Variants in ABCA3 observed in about 807,000 individuals in gnomAD.
ABCA3 encodes phospholipid-transporting ATPase ABCA3.
Under a neutral mutation model 172.8 loss-of-function variants are expected in ABCA3, and 88 were observed. That is an observed-to-expected ratio of 0.51 (90% CI 0.43 to 0.61). The LOEUF (loss-of-function observed/expected upper bound fraction) is 0.61. Among genes scored for constraint, ABCA3 ranks in the 20% least tolerant of loss-of-function variants. The pLI is 0.00. For synonymous variants in ABCA3, 1,066 were observed against 983.8 expected, an observed-to-expected ratio of 1.08 and a Z score of -1.56; for missense variants, 2,164 against 2,301.0, an observed-to-expected ratio of 0.94 and a Z score of 1.22.
intron 18 of ABCA3, among the ~76,000 whole-genome samples, chr16:2,292,785 AAAC>A (rs1043645363): frequency 8.6e-5 from 13 of 151,660 alleles, no homozygotes; most frequent in African/African-American, 2.7e-4. Context: ...ACAAAACAAC[AAAC>A]AACAACAACA....
At chr16:2,313,919 G>A (rs987953375) in intron 10 of ABCA3, among the ~76,000 whole-genome samples, 8 of 151,422 alleles carry the variant, frequency 5.3e-5, no homozygotes, top group Non-Finnish European at 2.9e-5. Flanking sequence ...ATTAACAGAC[G>A]TGAAAGACTG....
At chr16:2,307,627 T>G (rs1415351498) in intron 11 of ABCA3, among the ~76,000 whole-genome samples, 2 of 152,112 alleles carry the variant, frequency 1.3e-5, no homozygotes, top group East Asian at 3.9e-4. Flanking sequence ...TTTTATTTTT[T>G]TGAGACGGAG....
intron 7 of ABCA3, among the ~76,000 whole-genome samples, chr16:2,322,604 T>C (rs896678451): frequency 5.5e-5 from 8 of 144,148 alleles, no homozygotes; most frequent in African/African-American, 2.1e-4. Context: ...TAGCCATATG[T>C]AGAAAGCTGA....
At chr16:2,292,663 T>C (rs529993258) in intron 18 of ABCA3, among the ~76,000 whole-genome samples, 54 of 152,214 alleles carry the variant, frequency 3.5e-4, no homozygotes, top group African/African-American at 1.1e-3. Context: ...CTCACACCTG[T>C]AATCCTAGCA....
intron 1 of ABCA3, 26 bp from the exon 2 acceptor site, chr16:2,329,880 G>C (rs551490027): frequency 6.6e-6 from 1 of 152,300 alleles, no homozygotes; most frequent in Admixed American, 6.5e-5. Context: ...AGGTGTTTGA[G>C]TGTAATTTGG....
chr16:2,327,235 C>G (rs2093735771), intron 3 of ABCA3, among the ~76,000 whole-genome samples: 2 of 152,114 alleles, frequency 1.3e-5, no homozygotes, highest in South Asian at 4.1e-4. Context: ...ACCTCAGCCT[C>G]CCGAGTAGGT....
chr16:2,281,605 G>A lies in ABCA3; in HGVS notation c.4036-96C>T. The A allele has an allele frequency of 6.8e-7, 1 of 1,467,848 alleles. No homozygotes were observed. The highest frequency in any genetic ancestry group is 1.1e-5 in the South Asian group (1 of 87,308). The allele number at this position is 1,467,848 out of a possible 1,614,324, so 90.9% of individuals were successfully genotyped here. A position where few individuals can be genotyped will look rare whatever the true frequency, so the allele number is the denominator to read the frequency against. On this transcript the variant is annotated intron_variant, in intron 26 of 32. Coordinates refer to ENST00000301732, the MANE Select transcript of ABCA3 (RefSeq NM_001089.3). The surrounding 1 kb of genome is among the most constrained non-coding windows in gnomAD (Gnocchi z 4.7). ...CGGGGGTGGATGTGGGAGGTCTGGT[G>A]GGACTAAGGCCTTCAAGGCTTCTCG... is the stretch of plus-strand genomic sequence containing the variant.
In ABCA3 at chr16:2,324,392, C is replaced by G; in HGVS notation, c.447+12G>C. The G allele has an allele frequency of 1.3e-6, 2 of 1,586,320 alleles. No homozygotes were observed. Among genetic ancestry groups the G allele is most frequent in the Non-Finnish European group, 1.7e-6 (2 of 1,172,262 alleles). ...ATGGGCTGTGACTGCTCGGCCCGGC[C>G]GCACGTCTCACCGCCAGCGGCAGGG... On this transcript the variant is annotated intron_variant, in intron 6 of 32. Transcript: ENST00000301732.
At chr16:2,335,668 ATGTG>A (rs1250721184) in intron 1 of ABCA3, among the ~76,000 whole-genome samples, 1 of 152,190 alleles carries the variant, frequency 6.6e-6, no homozygotes, top group African/African-American at 2.4e-5. Context: ...GCACCCTGTG[ATGTG>A]GGGAGTGATG....
rs762873606 is a variant in ABCA3, at chr16:2,285,413, G to A, written c.3483+29C>T. On this transcript the variant is annotated intron_variant, in intron 23 of 32. Transcript: ENST00000301732. The surrounding 1 kb of genome is among the most constrained non-coding windows in gnomAD (Gnocchi z 4.7). ...GGCAAGCCCTCTGCGGTCTGCAGGGGAACGGATCCAGCACCCTCCGGCGCT... is the reference window on the plus strand; with the variant it reads ...GGCAAGCCCTCTGCGGTCTGCAGGGAAACGGATCCAGCACCCTCCGGCGCT... 1.7e-5 allele frequency: 27 copies of A among 1,584,918 alleles called. No homozygotes were observed. Among genetic ancestry groups the A allele is most frequent in the Non-Finnish European group, 2.1e-5 (25 of 1,165,874 alleles).
intron 10 of ABCA3, among the ~76,000 whole-genome samples, chr16:2,312,359 T>C (rs2093707861): frequency 6.6e-6 from 1 of 152,214 alleles, no homozygotes; most frequent in Admixed American, 6.5e-5. Context: ...CTCAAGCAAC[T>C]GTACATGTAC....
At position 2,305,349 on chromosome 16, in the gene ABCA3, T is replaced by C. The variant is rs945050898; in HGVS notation, c.1286-1199A>G. Among the ~76,000 whole-genome samples, 3 of 152,116 alleles carry C rather than the reference T, an allele frequency of 2.0e-5. No homozygotes were observed. In the East Asian group the frequency reaches 5.8e-4, roughly 29 times the overall value. ...GTCTCACTCTGTTGCCAGGCTGGAG[T>C]GCAGGGGCACAATCTTGGCTCGCTG... is the stretch of plus-strand genomic sequence containing the variant. On this transcript the variant is annotated intron_variant, in intron 11 of 32. Coordinates refer to ENST00000301732, the MANE Select transcript of ABCA3 (RefSeq NM_001089.3).
At chr16:2,338,519 G>C (rs1436032027) in intron 1 of ABCA3, among the ~76,000 whole-genome samples, 1 of 152,124 alleles carries the variant, frequency 6.6e-6, no homozygotes, top group Non-Finnish European at 1.5e-5. Context: ...ATTCTGGGCT[G>C]TTTTGGGCCC....
chr16:2,304,763 C>T (rs1009769434), intron 11 of ABCA3, among the ~76,000 whole-genome samples: 5 of 151,590 alleles, frequency 3.3e-5, no homozygotes, highest in Non-Finnish European at 7.4e-5. Context: ...GCAAGCTCCA[C>T]CTCCCGGGTT....
intron 11 of ABCA3, among the ~76,000 whole-genome samples, chr16:2,304,698 T>C (rs1226913570): frequency 6.2e-5 from 9 of 145,960 alleles, no homozygotes; most frequent in South Asian, 2.2e-4. Context: ...TTTTTTGAGA[T>C]GGAGTCTTGC....
chr16:2,298,413 G>A lies in ABCA3; in HGVS notation c.1869C>T (p.Val623=), dbSNP rs145502164. Residue 623 remains valine, a synonymous_variant, in exon 15 of 33, where the codon GTC becomes GTT. Transcript: ENST00000301732. The part of the protein sequence containing the change: ...QHDILFDNLT[V]AEHLYFYAQL... ...GGGCGTAGAAATAAAGGTGCTCTGC[G>A]ACTGTCAAGTTGTCAAACAGGATGT... The A allele has an allele frequency of 7.1e-4, 1,139 of 1,614,100 alleles. 7 individuals carry two copies. In the African/African-American group the frequency reaches 0.013, roughly 19 times the overall value.
In ABCA3 at chr16:2,338,389, T is replaced by C. The variant is rs183079054; in HGVS notation, c.-539+2184A>G. ...ACCTACCCATCACTTCCCAGCCCAC[T>C]TCTAGTACCATGGCCTCTGTGAAGC... On this transcript the variant is annotated intron_variant, in intron 1 of 32. Transcript: ENST00000301732. 2.8e-4 allele frequency among the ~76,000 whole-genome samples: 42 copies of C among 152,314 alleles called. No homozygotes were observed. The Middle Eastern group carries it at 0.01, about 37-fold the overall frequency.
intron 11 of ABCA3, among the ~76,000 whole-genome samples, chr16:2,306,590 CA>C (rs2093697957): frequency 6.6e-6 from 1 of 152,158 alleles, no homozygotes; most frequent in South Asian, 2.1e-4. Flanking sequence ...ACTTGACCCC[CA>C]ATGCAGCAAT....
At chr16:2,280,639 G>A (rs905580205) in intron 28 of ABCA3, among the ~76,000 whole-genome samples, 1 of 152,104 alleles carries the variant, frequency 6.6e-6, no homozygotes, top group Non-Finnish European at 1.5e-5. Flanking sequence ...CCTTCTGCGG[G>A]GGAGCTGGTG....
Sources: allele counts gnomAD v4.1 joint callset (sites outside exome capture counted in the v4.1 genomes callset), GRCh38; gene constraint gnomAD v4.1.1; non-coding constraint Gnocchi (gnomAD v3.1); transcripts MANE v1.5; gene names NCBI Gene and HGNC (gene_info 2026-07-23, HGNC 2026-07-21).